CUL1: variants seen among roughly 807,000 people sequenced by gnomAD.
CUL1 encodes the protein cullin 1.
CUL1 carries 24 observed loss-of-function variants against 118.0 expected under a neutral mutation model. That is an observed-to-expected ratio of 0.20 (90% CI 0.15 to 0.29). The LOEUF is 0.29. Among genes scored for constraint, CUL1 ranks in the 10% least tolerant of loss-of-function variants. The pLI, the probability that CUL1 is intolerant of heterozygous loss-of-function variation, is 1.00. For synonymous variants in CUL1, 332 were observed against 340.4 expected (o/e 0.98, Z 0.27); for missense variants, 361 against 933.8 (o/e 0.39, Z 7.99).
intron 7 of CUL1, among the ~76,000 whole-genome samples, chr7:148,765,177 G>A (rs1443694435): frequency 1.3e-5 from 2 of 152,148 alleles, no homozygotes; most frequent in African/African-American, 4.8e-5. Flanking sequence ...GTGTAATAAG[G>A]TTCTGACTTA....
At chr7:148,750,738 A>G (rs1441388440) in intron 2 of CUL1, among the ~76,000 whole-genome samples, 1 of 152,188 alleles carries the variant, frequency 6.6e-6, no homozygotes, top group East Asian at 1.9e-4. Context: ...ACTCTCTTGG[A>G]GGTGAATGTA....
chr7:148,748,745 T>G (rs1799384450), intron 2 of CUL1, among the ~76,000 whole-genome samples: 1 of 152,200 alleles, frequency 6.6e-6, no homozygotes, highest in South Asian at 2.1e-4. Flanking sequence ...CAGCAGAAAT[T>G]ATATACTTGG....
At chr7:148,775,020 C>T (rs540924517) in intron 9 of CUL1, among the ~76,000 whole-genome samples, 18 of 151,826 alleles carry the variant, frequency 1.2e-4, no homozygotes, top group East Asian at 3.9e-4. Flanking sequence ...GGGGTAGATC[C>T]GAGTACATTA....
chr7:148,759,383 T>G, intron 5 of CUL1, 29 bp downstream of exon 5: 2 of 1,611,722 alleles, frequency 1.2e-6, no homozygotes, highest in Non-Finnish European at 1.7e-6. Flanking sequence ...GTGTGCATGT[T>G]CCTTTTAAAA....
rs1311687637 is a variant in CUL1 at position 148,722,565 on chromosome 7, C to T, written c.-161-7397C>T. Among the ~76,000 whole-genome samples, 6 of 152,322 alleles carry T rather than the reference C, an allele frequency of 3.9e-5. No individual in the cohort carries two copies. In the East Asian group the frequency reaches 7.7e-4, roughly 20 times the overall value. ...CCTCCTCCTCATGCGGGTTGACAGC[C>T]GTAGACCCAGAGAAAGACTCTGGAG... On this transcript the variant is annotated intron_variant, in intron 1 of 21. Coordinates refer to ENST00000325222, the MANE Select transcript of CUL1 (RefSeq NM_003592.3).
chr7:148,778,103 A>AAAAAAAAAG (rs1563166664), intron 9 of CUL1, among the ~76,000 whole-genome samples: 1 of 147,512 alleles, frequency 6.8e-6, no homozygotes, highest in Non-Finnish European at 1.5e-5. Flanking sequence ...AAAAAGAAGA[A>AAAAAAAAAG]GAAGAAGAAT....
intron 2 of CUL1, among the ~76,000 whole-genome samples, chr7:148,737,568 ATATTTT>A (rs1211031191): frequency 0.12 from 17,139 of 142,114 alleles, 3,323 homozygotes; most frequent in African/African-American, 0.4. Context: ...GTATATATAT[ATATTTT>A]TATATTTATT....
chr7:148,725,475 G>A (rs1798548341), intron 1 of CUL1, among the ~76,000 whole-genome samples: 1 of 152,200 alleles, frequency 6.6e-6, no homozygotes, highest in Non-Finnish European at 1.5e-5. Flanking sequence ...AGACCCTCTG[G>A]CAACGCTTGT....
intron 9 of CUL1, among the ~76,000 whole-genome samples, chr7:148,768,575 G>T (rs928237872): frequency 6.6e-6 from 1 of 151,940 alleles, no homozygotes; most frequent in Non-Finnish European, 1.5e-5. Context: ...AGTAGAGACA[G>T]GGTTTCGCTG....
At position 148,750,567 on chromosome 7, in the gene CUL1, G is replaced by T. The variant is rs376721190; in HGVS notation, c.141-3409G>T. Among the ~76,000 whole-genome samples, 9 of 152,126 alleles carry T rather than the reference G, an allele frequency of 5.9e-5. No homozygotes were observed. In the East Asian group the frequency reaches 1.2e-3, roughly 20 times the overall value. On this transcript the variant is annotated intron_variant, in intron 2 of 21. Transcript: ENST00000325222. ...ATGCAGTGTTTGGTTTTCTGTCCTT[G>T]TGATAGTTTGCTCAGAATGATGGTT...
intron 9 of CUL1, among the ~76,000 whole-genome samples, chr7:148,779,586 C>T (rs1440841488): frequency 6.6e-6 from 1 of 152,150 alleles, no homozygotes; most frequent in Non-Finnish European, 1.5e-5. Context: ...CAGGGAAAAC[C>T]TTGAAAGCTG....
chr7:148,761,372 A>T (rs1190718598), intron 7 of CUL1, among the ~76,000 whole-genome samples: 1 of 152,074 alleles, frequency 6.6e-6, no homozygotes, highest in Non-Finnish European at 1.5e-5. Flanking sequence ...TTATCTGGGC[A>T]TGGTGGCACG....
intron 2 of CUL1, among the ~76,000 whole-genome samples, chr7:148,734,340 G>A (rs1285989963): frequency 1.3e-5 from 2 of 152,124 alleles, no homozygotes; most frequent in South Asian, 2.1e-4. Flanking sequence ...CTTGAGCTGG[G>A]GTCAGGTGAT....
At chr7:148,756,638 AT>A (rs541646525) in intron 3 of CUL1, among the ~76,000 whole-genome samples, 9 of 151,644 alleles carry the variant, frequency 5.9e-5, no homozygotes, top group South Asian at 2.1e-4. Flanking sequence ...TACCCAGCCA[AT>A]TTTTTTTTAA....
intron 3 of CUL1, 78 bp from the exon 4 acceptor site, chr7:148,756,905 T>C: frequency 1.0e-6 from 1 of 972,608 alleles, no homozygotes; most frequent in Non-Finnish European, 1.5e-6. Flanking sequence ...TTTAATACAG[T>C]AGATGTTATT....
intron 1 of CUL1, among the ~76,000 whole-genome samples, chr7:148,710,708 G>T (rs1798023952): frequency 6.6e-6 from 1 of 151,518 alleles, no homozygotes; most frequent in South Asian, 2.1e-4. Flanking sequence ...TCCTAGGCTG[G>T]AGTGCAATGG....
intron 9 of CUL1, among the ~76,000 whole-genome samples, chr7:148,779,641 A>G (rs73745373): frequency 0.024 from 3,585 of 152,288 alleles, 131 homozygotes; most frequent in African/African-American, 0.083. Context: ...GAGGAAACCA[A>G]CGGAGAGTGA....
At chr7:148,790,186 T>C (rs1800957619) in intron 15 of CUL1, 124 bp from the exon 16 acceptor site, 1 of 1,027,818 alleles carries the variant, frequency 9.7e-7, no homozygotes, top group East Asian at 2.4e-5. Flanking sequence ...CTGGCGTTTG[T>C]ATTTTACTTT....
chr7:148,740,012 A>C (rs1422331129), intron 2 of CUL1, among the ~76,000 whole-genome samples: 2 of 151,062 alleles, frequency 1.3e-5, no homozygotes, highest in African/African-American at 4.9e-5. Context: ...GTCAATGTCT[A>C]CCCCAAAAGT....
Sources: gnomAD v4.1 joint callset for allele counts (sites outside exome capture counted in the v4.1 genomes callset) on GRCh38, gnomAD v4.1.1 for gene constraint, MANE v1.5 for transcripts, NCBI Gene and HGNC (gene_info 2026-07-23, HGNC 2026-07-21) for gene names.